The following ZNF577 variants were observed in gnomAD, a reference collection of about 807,000 sequenced individuals.
ZNF577 encodes zinc finger protein 577.
In ZNF577, 14 loss-of-function variants were observed where a neutral mutation model predicts 13.9. The ratio of observed to expected loss-of-function variants is 1.00; its 90% confidence interval spans 0.66 to 1.57. The LOEUF is 1.57. Among genes scored for constraint, ZNF577 ranks in the 40% most tolerant of loss-of-function variants. The probability of loss-of-function intolerance (pLI) is 0.00; values close to 1 mark genes in which losing one functional copy is unlikely to be tolerated. For synonymous variants in ZNF577, 203 were observed against 202.9 expected, an observed-to-expected ratio of 1.00 and a Z score of 0.00; for missense variants, 555 against 579.2, an observed-to-expected ratio of 0.96 and a Z score of 0.43.
downstream of ZNF577, among the ~76,000 whole-genome samples, chr19:51,865,859 G>T (rs950916949): frequency 2.6e-5 from 4 of 152,146 alleles, no homozygotes; most frequent in Admixed American, 2.6e-4. Context: ...GCTCACACTT[G>T]TAATCCCAGC....
rs922564216 is a variant in ZNF577, at chr19:51,824,100, A to G, written c.*600-12426T>C. ...GTTTGTCAGTGTCTACCTGATCACC[A>G]TCATTGCTCTGGACCGCTGTATTTG... On this transcript the variant is annotated intron_variant and NMD_transcript_variant, in intron 9 of 10. Transcript: ENST00000638827. This position sits in a 1 kb window ranked among gnomAD's most constrained non-coding sequence, Gnocchi z 4.7. The G allele has an allele frequency of 1.4e-5, 23 of 1,613,972 alleles. 1 individual carries two copies. Among genetic ancestry groups the G allele is most frequent in the South Asian group, 7.7e-5 (7 of 91,070 alleles).
At chr19:51,822,358 G>C (rs1240274633) in intron 9 of ZNF577, among the ~76,000 whole-genome samples, 2 of 152,156 alleles carry the variant, frequency 1.3e-5, no homozygotes, top group East Asian at 1.9e-4. Flanking sequence ...ATGGAGGAGG[G>C]ATACCTTCCC....
At chr19:51,829,558 C>T (rs2084250265) in intron 9 of ZNF577, among the ~76,000 whole-genome samples, 1 of 152,258 alleles carries the variant, frequency 6.6e-6, no homozygotes, top group South Asian at 2.1e-4. Context: ...CATCCTTTTC[C>T]TATAATTTAT....
Position 51,824,914 on chromosome 19 carries a change from A to C in ZNF577, c.*600-13240T>G. On this transcript the variant is annotated intron_variant and NMD_transcript_variant, in intron 9 of 10. Coordinates refer to the ZNF577 transcript ENST00000638827. The surrounding 1 kb of genome is among the most constrained non-coding windows in gnomAD (Gnocchi z 4.7). ...CCTCTTTCATACCACCACCACCACA[A>C]TCATCAACATAAAGGAAGTCTGTAC... The C allele has an allele frequency of 1.1e-6, 1 of 872,884 alleles. No individual in the cohort carries two copies. The highest frequency in any genetic ancestry group is 1.8e-6 in the Non-Finnish European group (1 of 569,260). The allele number at this position is 872,884 out of a possible 1,614,324, so 54.1% of individuals were successfully genotyped here.
intron 9 of ZNF577, among the ~76,000 whole-genome samples, chr19:51,815,841 G>A (rs1205585670): frequency 8.8e-5 from 13 of 148,178 alleles, no homozygotes; most frequent in Admixed American, 1.4e-4. Flanking sequence ...CAGCCTGGGT[G>A]ATAGAATGAG....
intron 5 of ZNF577, among the ~76,000 whole-genome samples, chr19:51,850,156 C>A (rs1158671430): frequency 6.6e-6 from 1 of 152,200 alleles, no homozygotes; most frequent in Non-Finnish European, 1.5e-5. Flanking sequence ...TTGGCCCTTG[C>A]TCTCAACTCC....
intron 9 of ZNF577, chr19:51,823,715 A>G: frequency 2.0e-6 from 3 of 1,511,978 alleles, no homozygotes; most frequent in Non-Finnish European, 1.8e-6. Context: ...CAGCTGAGAA[A>G]TGGCCATTGC....
At chr19:51,840,125 G>A (rs2084312384) in intron 8 of ZNF577, 1 of 152,192 alleles carries the variant, frequency 6.6e-6, no homozygotes, top group Admixed American at 6.5e-5. Flanking sequence ...GTGCTAGAAA[G>A]GAAAGAGGCA....
intron 9 of ZNF577, among the ~76,000 whole-genome samples, chr19:51,814,871 G>A (rs1178784521): frequency 6.6e-6 from 1 of 151,562 alleles, no homozygotes; most frequent in Non-Finnish European, 1.5e-5. Flanking sequence ...GTGCAGTGGC[G>A]CCATCTCAGC....
rs1599866439 is a variant in ZNF577 at position 51,869,826 on chromosome 19, C to G, written c.*2706G>C. 6.6e-6 allele frequency among the ~76,000 whole-genome samples: 1 copy of G among 152,192 alleles called. No individual in the cohort carries two copies. Among genetic ancestry groups the G allele is most frequent in the Non-Finnish European group, 1.5e-5 (1 of 68,034 alleles). On this transcript the variant is annotated 3_prime_UTR_variant, in exon 6 of 6. Transcript: ENST00000638348. ...TCCTAACTGTACTTCCCATAAACCT[C>G]AACTGCCCAGCACAGGTGTCTCAAG... is the stretch of plus-strand genomic sequence containing the variant.
At position 51,881,330 on chromosome 19, in the gene ZNF577, AAAG is replaced by A. The variant is rs574436362; in HGVS notation, c.-218-456_-218-454del. ...CTCTGTCTCTAAGAATAAAAACATA[AAAG>A]AAGTGGTGGCTCAAGAAACTGACTT... On this transcript the variant is annotated intron_variant, in intron 1 of 5. Transcript: ENST00000638348. 6.6e-5 allele frequency among the ~76,000 whole-genome samples: 10 copies of A among 152,232 alleles called. No homozygotes were observed. In the South Asian group the frequency reaches 2.1e-3, roughly 32 times the overall value.
At chr19:51,849,759 C>CT (rs375973317) in intron 5 of ZNF577, among the ~76,000 whole-genome samples, 156 of 152,326 alleles carry the variant, frequency 1.0e-3, no homozygotes, top group African/African-American at 3.7e-3. Context: ...AGCAATCTAA[C>CT]TATTAAGCAT....
exon 10 of ZNF577, chr19:51,811,654 C>T (rs933802435): frequency 3.9e-5 from 6 of 152,190 alleles, no homozygotes; most frequent in African/African-American, 1.2e-4. Flanking sequence ...CACTATGTAA[C>T]GTGCCATGAT....
intron 5 of ZNF577, among the ~76,000 whole-genome samples, chr19:51,846,534 C>T (rs771199823): frequency 3.3e-5 from 5 of 152,188 alleles, no homozygotes; most frequent in Non-Finnish European, 5.9e-5. Context: ...ATAGCAAAAC[C>T]GTGTCTCTAC....
Position 51,873,055 on chromosome 19 carries a change from T to C in ZNF577, c.935A>G (p.Asp312Gly). 6.2e-7 allele frequency: 1 copy of C among 1,614,200 alleles called. No individual in the cohort carries two copies. The highest frequency in any genetic ancestry group is 1.1e-5 in the South Asian group (1 of 91,080). Residue 312 changes from aspartate to glycine, a missense_variant, in exon 6 of 6, where the codon GAC (aspartate) becomes GGC (glycine). Asp to Gly is a moderately conservative substitution (Grantham distance 94, BLOSUM62 -1). Coordinates refer to ENST00000638348, the MANE Select transcript of ZNF577 (RefSeq NM_001370449.1). The part of the protein sequence containing the change: ...DCGRTFYFKS[D>G]LTRHQRIHTG... ...ATGAATCCTCTGATGTCTGGTCAGG[T>C]CTGACTTAAAATAGAAGGTTCTTCC...
In ZNF577 at chr19:51,879,059, T is replaced by C. The variant is rs191849787; in HGVS notation, c.61-544A>G. Among the ~76,000 whole-genome samples the C allele has an allele frequency of 4.1e-3, 622 of 151,512 alleles. 1 individual carries two copies. Among genetic ancestry groups the C allele is most frequent in the South Asian group, 0.022 (105 of 4,792 alleles). ...GATCACAAAGTCGGGAGATTAAGAC[T>C]ATCCTGGCTAACACAGTGAAACCCC... On this transcript the variant is annotated intron_variant, in intron 3 of 5. Coordinates refer to ENST00000638348, the MANE Select transcript of ZNF577 (RefSeq NM_001370449.1).
chr19:51,879,444 C>T (rs563676457), intron 3 of ZNF577, among the ~76,000 whole-genome samples: 35 of 151,698 alleles, frequency 2.3e-4, no homozygotes, highest in South Asian at 1.9e-3. Context: ...TGGCACGCAC[C>T]TGTAATCCCA....
At chr19:51,820,502 C>G (rs1475752893) in intron 9 of ZNF577, among the ~76,000 whole-genome samples, 1 of 152,204 alleles carries the variant, frequency 6.6e-6, no homozygotes, top group East Asian at 1.9e-4. Context: ...CACTTTGTAA[C>G]TAGGGTGGAT....
chr19:51,814,631 C>A (rs1414054831), intron 9 of ZNF577, among the ~76,000 whole-genome samples: 7 of 151,964 alleles, frequency 4.6e-5, no homozygotes, highest in African/African-American at 1.7e-4. Context: ...GCAGCTGGGA[C>A]TACAGGCATG....
Sources: allele counts gnomAD v4.1 joint callset (sites outside exome capture counted in the v4.1 genomes callset), GRCh38; gene constraint gnomAD v4.1.1; non-coding constraint Gnocchi (gnomAD v3.1); transcripts MANE v1.5; gene names NCBI Gene and HGNC (gene_info 2026-07-23, HGNC 2026-07-21).